The following TRIM44 variants were observed in gnomAD, a reference collection of about 807,000 sequenced individuals.
The protein encoded by TRIM44 is tripartite motif containing 44.
A neutral mutation model predicts 37.4 loss-of-function variants in TRIM44; 13 were observed. The ratio of observed to expected loss-of-function variants is 0.35; its 90% confidence interval spans 0.23 to 0.55. The LOEUF (loss-of-function observed/expected upper bound fraction) is 0.55, where lower values mean the gene tolerates loss of function less well. TRIM44 is among the 20% of genes least tolerant of loss of function. The pLI is 0.89. For synonymous variants in TRIM44, 175 were observed against 157.2 expected (o/e 1.11, Z -0.85); for missense variants, 426 against 437.2 (o/e 0.97, Z 0.23).
At chr11:35,740,247 T>A (rs954736476) in intron 4 of TRIM44, among the ~76,000 whole-genome samples, 1 of 151,676 alleles carries the variant, frequency 6.6e-6, no homozygotes, top group African/African-American at 2.4e-5. Flanking sequence ...CCCTCACAGG[T>A]TGGCTCCTTC....
chr11:35,724,365 A>G (rs1222706548), intron 2 of TRIM44: 1 of 152,206 alleles, frequency 6.6e-6, no homozygotes, highest in Non-Finnish European at 1.5e-5. Flanking sequence ...TCCCTCTTCT[A>G]CAGGTTTGCA....
intron 2 of TRIM44, among the ~76,000 whole-genome samples, chr11:35,725,387 G>T (rs1268956867): frequency 6.6e-6 from 1 of 152,144 alleles, no homozygotes; most frequent in Non-Finnish European, 1.5e-5. Context: ...AGGGTGGAGT[G>T]CAGTGGTGCG....
At chr11:35,791,907 G>A (rs1240656632) in intron 4 of TRIM44, among the ~76,000 whole-genome samples, 1 of 152,170 alleles carries the variant, frequency 6.6e-6, no homozygotes, top group Non-Finnish European at 1.5e-5. Flanking sequence ...TGAGGTGAAA[G>A]AATAGCCACT....
intron 4 of TRIM44, among the ~76,000 whole-genome samples, chr11:35,754,740 T>C (rs1278922624): frequency 2.0e-5 from 3 of 148,368 alleles, no homozygotes; most frequent in Non-Finnish European, 4.5e-5. Context: ...CACCTATGAG[T>C]GAGAACATGC....
At chr11:35,802,244 GGATA>G (rs1194398934) in intron 4 of TRIM44, among the ~76,000 whole-genome samples, 1 of 152,086 alleles carries the variant, frequency 6.6e-6, no homozygotes, top group Non-Finnish European at 1.5e-5. Flanking sequence ...TTAGATCGAT[GGATA>G]GATAGATAAA....
intron 2 of TRIM44, among the ~76,000 whole-genome samples, chr11:35,699,434 G>C (rs1209772817): frequency 6.6e-6 from 1 of 151,998 alleles, no homozygotes; most frequent in African/African-American, 2.4e-5. Context: ...AATAAATTAG[G>C]TATTGATGGG....
chr11:35,721,702 G>A (rs754230749), intron 2 of TRIM44, among the ~76,000 whole-genome samples: 1 of 152,160 alleles, frequency 6.6e-6, no homozygotes, highest in Non-Finnish European at 1.5e-5. Context: ...GCTCATTTCA[G>A]GCTTCTAACT....
intron 4 of TRIM44, among the ~76,000 whole-genome samples, chr11:35,757,873 A>G (rs11517925): frequency 0.13 from 19,467 of 152,156 alleles, 1,522 homozygotes; most frequent in Non-Finnish European, 0.17. Context: ...ACAATTTGTT[A>G]TAATTTCTGT....
intron 3 of TRIM44, among the ~76,000 whole-genome samples, chr11:35,727,675 G>A (rs1472100715): frequency 6.6e-6 from 1 of 152,100 alleles, no homozygotes; most frequent in Non-Finnish European, 1.5e-5. Flanking sequence ...TTTTACAAAT[G>A]GGATATTTGA....
At chr11:35,692,652 C>T (rs939139828) in intron 2 of TRIM44, among the ~76,000 whole-genome samples, 29 of 152,118 alleles carry the variant, frequency 1.9e-4, no homozygotes, top group African/African-American at 5.3e-4. Context: ...GGGCCAGGTG[C>T]GGTGGCTCAC....
At chr11:35,700,147 A>G (rs1008511621) in intron 2 of TRIM44, among the ~76,000 whole-genome samples, 1 of 152,162 alleles carries the variant, frequency 6.6e-6, no homozygotes, top group Non-Finnish European at 1.5e-5. Flanking sequence ...GCCAAGTTTC[A>G]TAAACCTTTT....
intron 4 of TRIM44, among the ~76,000 whole-genome samples, chr11:35,799,660 C>T (rs1449267018): frequency 3.3e-5 from 5 of 152,128 alleles, no homozygotes; most frequent in Admixed American, 1.3e-4. Flanking sequence ...ATTTACAAGT[C>T]GTGTACCTTA....
chr11:35,688,761 AC>A (rs1325428978), intron 2 of TRIM44, among the ~76,000 whole-genome samples: 1 of 152,142 alleles, frequency 6.6e-6, no homozygotes, highest in Non-Finnish European at 1.5e-5. Flanking sequence ...TGCTGTGCCC[AC>A]CTCCAGAGTT....
chr11:35,797,888 C>T (rs963595499), intron 4 of TRIM44, among the ~76,000 whole-genome samples: 15 of 152,146 alleles, frequency 9.9e-5, no homozygotes, highest in African/African-American at 3.6e-4. Context: ...ATGAAGGTAT[C>T]AGTATTGGTT....
rs1360214775 is a variant in TRIM44 at position 35,673,501 on chromosome 11, A to T, written c.669+9721A>T. Reference sequence around the variant, plus strand: ...ATGAAAATACTGCTCTATGGAGGGAATATGAGATTATTTTACATTAGTTAG... The same window carrying T: ...ATGAAAATACTGCTCTATGGAGGGATTATGAGATTATTTTACATTAGTTAG... On this transcript the variant is annotated intron_variant, in intron 1 of 4. Coordinates refer to ENST00000299413, the MANE Select transcript of TRIM44 (RefSeq NM_017583.6). Among the ~76,000 whole-genome samples the T allele has an allele frequency of 2.0e-5, 3 of 152,206 alleles. No individual in the cohort carries two copies. The East Asian group carries it at 5.8e-4, about 29-fold the overall frequency.
At chr11:35,797,867 T>C (rs1024972973) in intron 4 of TRIM44, among the ~76,000 whole-genome samples, 3 of 152,166 alleles carry the variant, frequency 2.0e-5, no homozygotes, top group Non-Finnish European at 2.9e-5. Flanking sequence ...TCTCAAAATA[T>C]GAACTTTAGT....
intron 4 of TRIM44, among the ~76,000 whole-genome samples, chr11:35,756,654 G>A (rs1852646655): frequency 6.6e-6 from 1 of 152,138 alleles, no homozygotes; most frequent in African/African-American, 2.4e-5. Context: ...GTCATAGATA[G>A]CTCTTATTAT....
intron 4 of TRIM44, among the ~76,000 whole-genome samples, chr11:35,795,780 C>T (rs1306135639): frequency 2.6e-5 from 4 of 152,050 alleles, no homozygotes; most frequent in South Asian, 2.1e-4. Flanking sequence ...GACTTCCAGT[C>T]GATCTCACTC....
chr11:35,736,266 C>CT (rs1852325257), intron 4 of TRIM44, among the ~76,000 whole-genome samples: 1 of 152,092 alleles, frequency 6.6e-6, no homozygotes, highest in Non-Finnish European at 1.5e-5. Flanking sequence ...TTGAAATGGA[C>CT]TTTAAGCAGA....
Sources: allele counts gnomAD v4.1 joint callset (sites outside exome capture counted in the v4.1 genomes callset), GRCh38; gene constraint gnomAD v4.1.1; transcripts MANE v1.5; gene names NCBI Gene and HGNC (gene_info 2026-07-23, HGNC 2026-07-21).